The following GSPT1 variants were observed in gnomAD, a reference collection of about 807,000 sequenced individuals.
The protein encoded by GSPT1 is eukaryotic peptide chain release factor GTP-binding subunit ERF3A.
GSPT1 carries 20 observed loss-of-function variants against 72.5 expected under a neutral mutation model. That is an observed-to-expected ratio of 0.28 (90% CI 0.19 to 0.40). GSPT1 has a LOEUF of 0.40. Among genes scored for constraint, GSPT1 ranks in the 10% least tolerant of loss-of-function variants. GSPT1 has a pLI of 1.00. For synonymous variants in GSPT1, 334 were observed against 293.5 expected (o/e 1.14, Z -1.41); for missense variants, 580 against 811.9 (o/e 0.71, Z 3.47).
intron 4 of GSPT1, chr16:11,895,623 T>C (rs1038621914): frequency 6.6e-6 from 1 of 152,192 alleles, no homozygotes; most frequent in Non-Finnish European, 1.5e-5. Context: ...TATGTGCTCC[T>C]TTACACCTTT....
intron 11 of GSPT1, chr16:11,881,021 C>T (rs1227567572): frequency 2.0e-5 from 3 of 152,556 alleles, no homozygotes; most frequent in African/African-American, 7.2e-5. Flanking sequence ...GTCTCAGCCT[C>T]CTGGGTAGCT....
intron 11 of GSPT1, among the ~76,000 whole-genome samples, chr16:11,878,876 C>A (rs981704349): frequency 4.6e-5 from 7 of 151,896 alleles, no homozygotes; most frequent in African/African-American, 1.7e-4. Context: ...ACCAGCCTGG[C>A]CAACATGGTG....
In GSPT1 at chr16:11,876,122, C is replaced by T. The variant is rs564805529; in HGVS notation, c.1656G>A (p.Leu552=). 1.1e-4 allele frequency: 171 copies of T among 1,608,230 alleles called. 2 individuals carry two copies. In the South Asian group the frequency reaches 1.8e-3, roughly 17 times the overall value. ...CCTCCTCAATACAGGTATGAATATG[C>T]AGCACCGCATTATAGCCTGGGCAGA... is the stretch of plus-strand genomic sequence containing the variant. ...SIICPGYNAV[L]HIHTCIEEVE... Residue 552 remains leucine (L), a synonymous_variant, in exon 13 of 15, where the codon CTG becomes CTA. Coordinates refer to ENST00000434724, the MANE Select transcript of GSPT1 (RefSeq NM_002094.4).
chr16:11,915,512 T>C lies in GSPT1; in HGVS notation c.209A>G (p.Asn70Ser), dbSNP rs1037837993. 25 of 1,539,196 alleles carry C rather than the reference T, an allele frequency of 1.6e-5. No homozygotes were observed. The highest frequency in any genetic ancestry group is 9.9e-5 in the Admixed American group (5 of 50,590). The change falls in exon 1 of 15, where the codon AAC becomes AGC. Residue 70 changes from asparagine (N) to serine (S), a missense_variant. This residue lies in a region of GSPT1 where 327 missense variants were observed against 298.8 expected (regional missense o/e 1.09). Transcript: ENST00000434724. ...NLSAAFSRQLNVNAKPFVPNV... is the reference protein window; with the variant it reads ...NLSAAFSRQLSVNAKPFVPNV... Reference sequence around the variant, plus strand: ...GGGCACGAAGGGCTTGGCGTTGACGTTGAGTTGCCGGCTGAAGGCCGCGCT... The same window carrying C: ...GGGCACGAAGGGCTTGGCGTTGACGCTGAGTTGCCGGCTGAAGGCCGCGCT...
At chr16:11,889,444 T>G (rs2141290248) in intron 6 of GSPT1, among the ~76,000 whole-genome samples, 1 of 147,112 alleles carries the variant, frequency 6.8e-6, no homozygotes, top group Non-Finnish European at 1.5e-5. Context: ...TTCCAGCTAT[T>G]CTCCTGCCTC....
At chr16:11,902,614 G>C (rs1423195539) in intron 1 of GSPT1, among the ~76,000 whole-genome samples, 1 of 149,934 alleles carries the variant, frequency 6.7e-6, no homozygotes, top group African/African-American at 2.5e-5. Flanking sequence ...AAGAGATGGA[G>C]TCTCGCTCTG....
At position 11,896,709 on chromosome 16, in the gene GSPT1, C is replaced by T; in HGVS notation, c.513G>A (p.Gly171=). 2 of 1,607,374 alleles carry T rather than the reference C, an allele frequency of 1.2e-6. No homozygotes were observed. The highest frequency in any genetic ancestry group is 8.5e-7 in the Non-Finnish European group (1 of 1,176,744). Reference sequence around the variant, plus strand: ...GCCTTCCATCTCCCAAGGAACCACCCCCTGGCTCTGCTTCACTTATTTCTT... The same window carrying T: ...GCCTTCCATCTCCCAAGGAACCACCTCCTGGCTCTGCTTCACTTATTTCTT... ...HKEEISEAEP[G]GGSLGDGRPP... Residue 171 remains glycine, a synonymous_variant, in exon 4 of 15, where the codon GGG becomes GGA. Coordinates refer to ENST00000434724, the MANE Select transcript of GSPT1 (RefSeq NM_002094.4).
rs2053941852 is a variant in GSPT1 at position 11,868,362 on chromosome 16, T to TTTTG, written c.*4756_*4757insCAAA. The stretch of plus-strand genomic sequence containing the variant: ...CTGATCAGTTCCCTTTAATCCTGTT[T>TTTTG]TTTTTTTTTTTTTTTAAATGAGATC... On this transcript the variant is annotated 3_prime_UTR_variant, in exon 15 of 15. Transcript: ENST00000434724. The TTTTG allele has an allele frequency of 6.6e-6, 1 of 151,086 alleles. No individual in the cohort carries two copies. The highest frequency in any genetic ancestry group is 2.4e-5 in the African/African-American group (1 of 41,126). 9.4% of individuals were successfully genotyped at this position (151,086 alleles called of 1,614,324 possible). A position where few individuals can be genotyped will look rare whatever the true frequency, so the allele number is the denominator to read the frequency against.
chr16:11,900,714 T>TGAC (rs1458507197), intron 1 of GSPT1, among the ~76,000 whole-genome samples: 2 of 152,082 alleles, frequency 1.3e-5, no homozygotes, highest in African/African-American at 4.8e-5. Flanking sequence ...GGCAGGAAAA[T>TGAC]GACGGGTGTG....
At position 11,893,334 on chromosome 16, in the gene GSPT1, C is replaced by T. The variant is rs532889049; in HGVS notation, c.698+1620G>A. ...GAAATGAGGGTCTCACTATATTGTC[C>T]TGGCTCTTCTTGAAGCCTGGGCTCA... is the stretch of plus-strand genomic sequence containing the variant. On this transcript the variant is annotated intron_variant, in intron 5 of 14. Transcript: ENST00000434724. 6.6e-5 allele frequency among the ~76,000 whole-genome samples: 10 copies of T among 151,990 alleles called. No homozygotes were observed. The South Asian group carries it at 2.1e-3, about 32-fold the overall frequency.
rs1243127781 is a variant in GSPT1 at position 11,869,741 on chromosome 16, T to C, written c.*3378A>G. On this transcript the variant is annotated 3_prime_UTR_variant, in exon 15 of 15. Transcript: ENST00000434724. ...AAGAAAAGGTGCTAGAGTGCTGTTA[T>C]GTGTAATAGTCATCAAAGATCACGG... is the stretch of plus-strand genomic sequence containing the variant. 1 of 152,228 alleles carries C rather than the reference T, an allele frequency of 6.6e-6. No homozygotes were observed. Among genetic ancestry groups the C allele is most frequent in the Non-Finnish European group, 1.5e-5 (1 of 68,038 alleles). The allele number at this position is 152,228 out of a possible 1,614,324, so 9.4% of individuals were successfully genotyped here.
At chr16:11,899,574 A>G (rs1430511221) in intron 1 of GSPT1, among the ~76,000 whole-genome samples, 3 of 152,196 alleles carry the variant, frequency 2.0e-5, no homozygotes, top group Non-Finnish European at 4.4e-5. Context: ...TGGGATGAGC[A>G]GGACATTAAC....
intron 9 of GSPT1, among the ~76,000 whole-genome samples, chr16:11,886,186 T>C (rs2054184882): frequency 6.7e-6 from 1 of 148,538 alleles, no homozygotes; most frequent in African/African-American, 2.5e-5. Flanking sequence ...ATCCATAAAG[T>C]GGGAGAAAAT....
At chr16:11,893,980 C>T (rs140729081) in intron 5 of GSPT1, among the ~76,000 whole-genome samples, 21 of 151,724 alleles carry the variant, frequency 1.4e-4, no homozygotes, top group Admixed American at 1.4e-3. Flanking sequence ...TATGATGAAA[C>T]ACCACCTCTA....
In GSPT1 at chr16:11,915,766, G is replaced by C. The variant is rs766350663; in HGVS notation, c.-46C>G. On this transcript the variant is annotated 5_prime_UTR_variant, in exon 1 of 15. Coordinates refer to ENST00000434724, the MANE Select transcript of GSPT1 (RefSeq NM_002094.4). ...TGGTGGACAGAGAGCGGGAAATGGA[G>C]GCAGGGGCGCCCGGCCGGAGAGGAG... 4 of 1,567,838 alleles carry C rather than the reference G, an allele frequency of 2.6e-6. No homozygotes were observed. In the East Asian group the frequency reaches 7.0e-5, roughly 27 times the overall value.
chr16:11,885,703 G>T (rs1567439351), intron 9 of GSPT1, among the ~76,000 whole-genome samples: 1 of 152,126 alleles, frequency 6.6e-6, no homozygotes. Flanking sequence ...ACACCAGCCT[G>T]GGCAACATGG....
At chr16:11,878,413 G>A (rs772567206) in intron 11 of GSPT1, among the ~76,000 whole-genome samples, 13 of 151,898 alleles carry the variant, frequency 8.6e-5, no homozygotes, top group Non-Finnish European at 1.6e-4. Context: ...CACTGTGCCC[G>A]GCCTAAACTC....
chr16:11,892,435 T>C (rs2141294542), intron 5 of GSPT1, among the ~76,000 whole-genome samples: 1 of 147,548 alleles, frequency 6.8e-6, no homozygotes, highest in South Asian at 2.1e-4. Context: ...CCTGAGTCCA[T>C]GAGGTTGAGG....
Position 11,872,857 on chromosome 16 carries a change from C to G in GSPT1, c.*262G>C, listed in dbSNP as rs2053994059. On this transcript the variant is annotated 3_prime_UTR_variant, in exon 15 of 15. Transcript: ENST00000434724. The stretch of plus-strand genomic sequence containing the variant: ...TAGGCAATTATGTCCACATCACTTA[C>G]AAAGCTATTGCCAAATCTGTCCAAG... 1 of 372,822 alleles carries G rather than the reference C, an allele frequency of 2.7e-6. No individual in the cohort carries two copies. The highest frequency in any genetic ancestry group is 2.1e-5 in the African/African-American group (1 of 48,660). The allele number at this position is 372,822 out of a possible 1,614,324, so 23.1% of individuals were successfully genotyped here. A position where few individuals can be genotyped will look rare whatever the true frequency, so the allele number is the denominator to read the frequency against.
Sources: allele counts gnomAD v4.1 joint callset (sites outside exome capture counted in the v4.1 genomes callset), GRCh38; gene constraint gnomAD v4.1.1; regional missense constraint gnomAD v4.1.1; transcripts MANE v1.5; gene names NCBI Gene and HGNC (gene_info 2026-07-23, HGNC 2026-07-21).